Variants in TMTC2 observed in about 807,000 individuals in gnomAD.
TMTC2 encodes the protein transmembrane O-mannosyltransferase targeting cadherins 2.
A neutral mutation model predicts 82.4 loss-of-function variants in TMTC2; 43 were observed. That is an observed-to-expected ratio of 0.52 (90% CI 0.41 to 0.67). TMTC2 has a LOEUF of 0.67. TMTC2 is among the 30% of genes least tolerant of loss of function. The pLI, the probability that TMTC2 is intolerant of heterozygous loss-of-function variation, is 0.00. For synonymous variants in TMTC2, 408 were observed against 381.9 expected (o/e 1.07, Z -0.80); for missense variants, 919 against 1,012.4 (o/e 0.91, Z 1.25).
rs372243041 is a variant in TMTC2 at position 83,062,421 on chromosome 12, G to A, written c.2331+590G>A. ...AGAAAATAAGAACTGGTTTTGCCTC[G>A]GTCTTCTAAGCATGTTTTATTTGCA... On this transcript the variant is annotated intron_variant, in intron 11 of 11. Coordinates refer to ENST00000321196, the MANE Select transcript of TMTC2 (RefSeq NM_152588.3). Among the ~76,000 whole-genome samples the A allele has an allele frequency of 5.3e-5, 8 of 151,620 alleles. 1 individual carries two copies. Among genetic ancestry groups the A allele is most frequent in the South Asian group, 4.2e-4 (2 of 4,808 alleles).
chr12:82,930,392 TTGATGC>T (rs1282425862), intron 3 of TMTC2, 33 bp from the exon 4 acceptor site: 5 of 1,241,112 alleles, frequency 4.0e-6, no homozygotes, highest in Non-Finnish European at 4.7e-6. Context: ...TATAATTGGA[TTGATGC>T]TCAGTCTGAA....
intron 8 of TMTC2, among the ~76,000 whole-genome samples, chr12:83,026,839 A>T (rs183503954): frequency 2.0e-5 from 3 of 152,094 alleles, no homozygotes; most frequent in Non-Finnish European, 4.4e-5. Context: ...ACATCCACTC[A>T]GCTGCGCACC....
intron 1 of TMTC2, among the ~76,000 whole-genome samples, chr12:82,726,843 C>T (rs1396663435): frequency 2.8e-5 from 4 of 143,410 alleles, no homozygotes; most frequent in African/African-American, 1.0e-4. Context: ...GGCGCCACTG[C>T]ACTCCAGCCT....
intron 1 of TMTC2, among the ~76,000 whole-genome samples, chr12:82,794,344 C>T (rs1878614694): frequency 6.6e-6 from 1 of 152,098 alleles, no homozygotes; most frequent in South Asian, 2.1e-4. Flanking sequence ...CCCTCTTCCC[C>T]ATCTACCAAC....
At chr12:82,961,192 CTATTATTATTATTATTAT>C (rs139490507) in intron 4 of TMTC2, among the ~76,000 whole-genome samples, 12 of 146,234 alleles carry the variant, frequency 8.2e-5, no homozygotes, top group South Asian at 2.2e-4. Flanking sequence ...TTCTCTGCCA[CTATTATTATTATTATTAT>C]TATTATTATT....
At chr12:83,095,612 A>G (rs1884005126) in intron 11 of TMTC2, among the ~76,000 whole-genome samples, 1 of 152,170 alleles carries the variant, frequency 6.6e-6, no homozygotes, top group Non-Finnish European at 1.5e-5. Flanking sequence ...ACTCTCAAGG[A>G]GCAGGTTTGT....
At chr12:82,731,042 T>A (rs1223898513) in intron 1 of TMTC2, among the ~76,000 whole-genome samples, 1 of 152,248 alleles carries the variant, frequency 6.6e-6, no homozygotes, top group Admixed American at 6.5e-5. Context: ...AGCTATGTAA[T>A]GTGCACATGT....
intron 1 of TMTC2, among the ~76,000 whole-genome samples, chr12:82,744,274 A>G (rs1875566225): frequency 6.6e-6 from 1 of 152,174 alleles, no homozygotes; most frequent in South Asian, 2.1e-4. Context: ...AAGTACAAAA[A>G]TTAGCTGGGC....
At chr12:83,122,811 A>G (rs892361990) in intron 11 of TMTC2, among the ~76,000 whole-genome samples, 1 of 152,110 alleles carries the variant, frequency 6.6e-6, no homozygotes, top group African/African-American at 2.4e-5. Flanking sequence ...TGTCTGTCCA[A>G]TCAGAGCTGC....
intron 1 of TMTC2, among the ~76,000 whole-genome samples, chr12:82,774,320 T>G (rs1344350451): frequency 6.6e-6 from 1 of 152,150 alleles, no homozygotes; most frequent in Non-Finnish European, 1.5e-5. Flanking sequence ...ATTTCTTGCT[T>G]ATAAAATTTT....
Position 83,070,983 on chromosome 12 carries a change from G to A in TMTC2, c.2331+9152G>A, listed in dbSNP as rs958002574. ...TTGTTTTCAATTCTGTTTATGTGGTGTATTACATTTATTGACTTATGTATG... is the reference window on the plus strand; with the variant it reads ...TTGTTTTCAATTCTGTTTATGTGGTATATTACATTTATTGACTTATGTATG... On this transcript the variant is annotated intron_variant, in intron 11 of 11. Coordinates refer to ENST00000321196, the MANE Select transcript of TMTC2 (RefSeq NM_152588.3). 2.6e-5 allele frequency among the ~76,000 whole-genome samples: 4 copies of A among 152,110 alleles called. No individual in the cohort carries two copies. The South Asian group carries it at 8.3e-4, about 32-fold the overall frequency.
At chr12:82,733,224 A>G (rs1020075742) in intron 1 of TMTC2, among the ~76,000 whole-genome samples, 1 of 152,228 alleles carries the variant, frequency 6.6e-6, no homozygotes, top group Admixed American at 6.5e-5. Flanking sequence ...AGTTATAAGT[A>G]ATTCATTGCT....
intron 4 of TMTC2, among the ~76,000 whole-genome samples, chr12:82,939,587 G>A (rs917403419): frequency 6.6e-6 from 1 of 151,776 alleles, no homozygotes; most frequent in Non-Finnish European, 1.5e-5. Context: ...ATAATTTATT[G>A]GATACTTACC....
At chr12:82,912,724 G>C (rs913127726) in intron 3 of TMTC2, among the ~76,000 whole-genome samples, 5 of 152,038 alleles carry the variant, frequency 3.3e-5, no homozygotes, top group African/African-American at 9.7e-5. Flanking sequence ...GATCACTTGA[G>C]CCCAGGAGTT....
intron 1 of TMTC2, among the ~76,000 whole-genome samples, chr12:82,761,884 T>TTCTCTCTC (rs66906113): frequency 4.7e-5 from 7 of 150,030 alleles, no homozygotes; most frequent in East Asian, 4.0e-4. Context: ...CTTTCTTTCT[T>TTCTCTCTC]TCTCTCTCTT....
At chr12:83,082,418 C>T (rs1883502341) in intron 11 of TMTC2, among the ~76,000 whole-genome samples, 2 of 152,096 alleles carry the variant, frequency 1.3e-5, no homozygotes, top group Admixed American at 1.3e-4. Flanking sequence ...ACACACCGTC[C>T]CTAAAGTTTG....
intron 2 of TMTC2, among the ~76,000 whole-genome samples, chr12:82,873,400 G>T (rs1872316987): frequency 6.6e-6 from 1 of 152,026 alleles, no homozygotes; most frequent in Non-Finnish European, 1.5e-5. Flanking sequence ...TAACAAATTG[G>T]CACTGAAGTT....
chr12:83,006,251 T>A (rs1880198288), intron 8 of TMTC2, among the ~76,000 whole-genome samples: 1 of 152,064 alleles, frequency 6.6e-6, no homozygotes, highest in Non-Finnish European at 1.5e-5. Context: ...CTGCGTTGCC[T>A]CTCTGTCAAC....
intron 7 of TMTC2, among the ~76,000 whole-genome samples, chr12:82,973,142 C>T (rs1878520618): frequency 6.6e-6 from 1 of 152,114 alleles, no homozygotes; most frequent in Non-Finnish European, 1.5e-5. Flanking sequence ...GCTTTTTATA[C>T]CACCTGCTTC....
Sources: gnomAD v4.1 joint callset for allele counts (sites outside exome capture counted in the v4.1 genomes callset) on GRCh38, gnomAD v4.1.1 for gene constraint, MANE v1.5 for transcripts, NCBI Gene and HGNC (gene_info 2026-07-23, HGNC 2026-07-21) for gene names.